The following CTNNA2 variants were observed in gnomAD, a reference collection of about 807,000 sequenced individuals.
The protein encoded by CTNNA2 is catenin alpha-2.
A neutral mutation model predicts 101.0 loss-of-function variants in CTNNA2; 42 were observed. That is an observed-to-expected ratio of 0.42 (90% confidence interval 0.32 to 0.54). CTNNA2 has a LOEUF of 0.54. Ranked by LOEUF, CTNNA2 falls within the 20% of genes least tolerant of loss-of-function variation. The probability of loss-of-function intolerance (pLI) is 0.14; values close to 1 mark genes in which losing one functional copy is unlikely to be tolerated. For missense variants in CTNNA2, 871 were observed against 1,223.1 expected (o/e 0.71, Z 4.29); for synonymous variants, 450 against 456.4 (o/e 0.99, Z 0.18).
At chr2:80,055,852 G>A (rs560466451) in intron 7 of CTNNA2, among the ~76,000 whole-genome samples, 21 of 152,206 alleles carry the variant, frequency 1.4e-4, no homozygotes, top group African/African-American at 4.6e-4. Context: ...AGCTAAGTGC[G>A]TCCCAAACTG....
intron 3 of CTNNA2, among the ~76,000 whole-genome samples, chr2:79,350,888 G>A (rs949086135): frequency 6.6e-6 from 1 of 152,166 alleles, no homozygotes; most frequent in Non-Finnish European, 1.5e-5. Context: ...CTGATGGTTA[G>A]CGATGTGGGG....
In CTNNA2 at chr2:79,640,853, G is replaced by A. The variant is rs955026439; in HGVS notation, c.-5-10699G>A. 3.3e-5 allele frequency among the ~76,000 whole-genome samples: 5 copies of A among 152,232 alleles called. No homozygotes were observed. The South Asian group carries it at 6.2e-4, about 19-fold the overall frequency. On this transcript the variant is annotated intron_variant, in intron 1 of 18. Coordinates refer to ENST00000402739, the MANE Select transcript of CTNNA2 (RefSeq NM_001282597.3). ...TATGTCTTAATGAGTTTATAACCTG[G>A]TGGGTTATGTCAAACTAATGTCAAT...
intron 7 of CTNNA2, among the ~76,000 whole-genome samples, chr2:80,356,432 G>A (rs1673804646): frequency 1.3e-5 from 2 of 152,140 alleles, no homozygotes; most frequent in Admixed American, 1.3e-4. Context: ...AGTTATAAAA[G>A]AGTGGTCTCC....
intron 2 of CTNNA2, among the ~76,000 whole-genome samples, chr2:79,290,283 T>A (rs1485338350): frequency 6.6e-6 from 1 of 152,188 alleles, no homozygotes; most frequent in African/African-American, 2.4e-5. Context: ...CATTGGTTAC[T>A]GATCAAATAC....
At chr2:80,162,361 G>A (rs759302272) in intron 7 of CTNNA2, 3 of 1,251,878 alleles carry the variant, frequency 2.4e-6, no homozygotes, top group Middle Eastern at 2.3e-4. Flanking sequence ...AAGCTGCTCT[G>A]TACAGTTTTT....
At chr2:79,561,212 C>T (rs1353762414) in intron 1 of CTNNA2, among the ~76,000 whole-genome samples, 1 of 151,774 alleles carries the variant, frequency 6.6e-6, no homozygotes, top group East Asian at 1.9e-4. Flanking sequence ...TTCCTTTAGC[C>T]TCCTATTTTT....
At chr2:79,563,315 G>C (rs1421525484) in intron 1 of CTNNA2, among the ~76,000 whole-genome samples, 1 of 151,834 alleles carries the variant, frequency 6.6e-6, no homozygotes, top group Admixed American at 6.6e-5. Flanking sequence ...GGTCCAGATA[G>C]ACATCCACCA....
intron 9 of CTNNA2, among the ~76,000 whole-genome samples, chr2:80,444,861 C>T (rs573634057): frequency 6.6e-6 from 1 of 152,190 alleles, no homozygotes; most frequent in African/African-American, 2.4e-5. Flanking sequence ...GTTTAAGCCA[C>T]CCAGACTGTA....
At chr2:79,491,466 G>A (rs1271335839) in intron 4 of CTNNA2, among the ~76,000 whole-genome samples, 1 of 152,122 alleles carries the variant, frequency 6.6e-6, no homozygotes, top group Non-Finnish European at 1.5e-5. Context: ...TCAAGAAACA[G>A]AAATGGAAAC....
At chr2:79,376,969 A>G (rs1677985333) in intron 4 of CTNNA2, among the ~76,000 whole-genome samples, 1 of 152,096 alleles carries the variant, frequency 6.6e-6, no homozygotes, top group South Asian at 2.1e-4. Flanking sequence ...TCTTTATAGC[A>G]GCATGTTTTA....
At chr2:79,470,758 A>G (rs910220262) in intron 4 of CTNNA2, among the ~76,000 whole-genome samples, 8 of 152,166 alleles carry the variant, frequency 5.3e-5, no homozygotes, top group African/African-American at 1.9e-4. Flanking sequence ...TGAGTTGCAG[A>G]TATTTCTTAT....
At chr2:79,336,936 C>T (rs1266896099) in intron 3 of CTNNA2, among the ~76,000 whole-genome samples, 1 of 152,118 alleles carries the variant, frequency 6.6e-6, no homozygotes, top group African/African-American at 2.4e-5. Context: ...CCAGACTCTT[C>T]CCAGATTGTG....
Position 79,495,188 on chromosome 2 carries a change from A to G in CTNNA2, c.-134-9866A>G, listed in dbSNP as rs576930146. Among the ~76,000 whole-genome samples, 32 of 152,298 alleles carry G rather than the reference A, an allele frequency of 2.1e-4. 1 individual carries two copies. In the South Asian group the frequency reaches 4.8e-3, roughly 23 times the overall value. On this transcript the variant is annotated intron_variant, in intron 4 of 21. Coordinates refer to the CTNNA2 transcript ENST00000466387. ...ACACCATAGAAGGAAAAGACAACCC[A>G]CAGAATGGAATAAAGTATTTTACAA...
At chr2:80,114,270 G>T (rs2148866221) in intron 7 of CTNNA2, among the ~76,000 whole-genome samples, 1 of 152,270 alleles carries the variant, frequency 6.6e-6, no homozygotes, top group Middle Eastern at 3.4e-3. Flanking sequence ...TCCTGAATGG[G>T]AAAACTATTG....
chr2:80,198,920 T>C (rs1333356784), intron 7 of CTNNA2, among the ~76,000 whole-genome samples: 1 of 152,108 alleles, frequency 6.6e-6, no homozygotes, highest in African/African-American at 2.4e-5. Flanking sequence ...TGATGGTTCA[T>C]GCCTATAATC....
At chr2:79,774,270 AC>A in intron 3 of CTNNA2, among the ~76,000 whole-genome samples, 2 of 152,132 alleles carry the variant, frequency 1.3e-5, no homozygotes, top group South Asian at 4.2e-4. Flanking sequence ...GCTGATCTTA[AC>A]CCCCTGCTGA....
chr2:80,322,770 C>T (rs1295618825), intron 7 of CTNNA2, among the ~76,000 whole-genome samples: 1 of 151,982 alleles, frequency 6.6e-6, no homozygotes, highest in Non-Finnish European at 1.5e-5. Context: ...AGATTGTCTT[C>T]TCACTCGGTG....
intron 9 of CTNNA2, among the ~76,000 whole-genome samples, chr2:80,427,242 C>G (rs151144069): frequency 8.5e-4 from 129 of 152,288 alleles, no homozygotes; most frequent in African/African-American, 2.9e-3. Context: ...CCTTGGAGAT[C>G]AGCAGTAAAG....
At chr2:79,709,936 G>A (rs2104803592) in intron 2 of CTNNA2, among the ~76,000 whole-genome samples, 1 of 152,218 alleles carries the variant, frequency 6.6e-6, no homozygotes, top group Non-Finnish European at 1.5e-5. Flanking sequence ...CAGGGGAGAG[G>A]AGAAAGTGGA....
Sources: allele counts gnomAD v4.1 joint callset (sites outside exome capture counted in the v4.1 genomes callset), GRCh38; gene constraint gnomAD v4.1.1; transcripts MANE v1.5; gene names NCBI Gene and HGNC (gene_info 2026-07-23, HGNC 2026-07-21).